The following CHST13 variants were observed in gnomAD, a reference collection of about 807,000 sequenced individuals.
CHST13 encodes carbohydrate sulfotransferase 13, also known as C4ST-3.
A neutral mutation model predicts 7.0 loss-of-function variants in CHST13; 1 was observed. That is an observed-to-expected ratio of 0.14 (90% confidence interval 0.05 to 0.68). The LOEUF is 0.68. CHST13 is among the 30% of genes least tolerant of loss of function. CHST13 has a pLI of 0.82. For missense variants in CHST13, 572 were observed against 507.9 expected (o/e 1.13, Z -1.21); for synonymous variants, 257 against 240.9 (o/e 1.07, Z -0.62).
At chr3:126,530,180 GGGCAGGGTGGCA>G (rs1430583240) in intron 1 of CHST13, among the ~76,000 whole-genome samples, 1 of 152,244 alleles carries the variant, frequency 6.6e-6, no homozygotes, top group African/African-American at 2.4e-5. Flanking sequence ...AGGCTCCTCG[GGGCAGGGTGGCA>G]GGCAGGGTGG....
At chr3:126,528,741 A>G (rs1428117177) in intron 1 of CHST13, among the ~76,000 whole-genome samples, 2 of 152,174 alleles carry the variant, frequency 1.3e-5, no homozygotes, top group Non-Finnish European at 2.9e-5. Flanking sequence ...TGTGGAGTTC[A>G]GCAAATGGAG....
Position 126,542,375 on chromosome 3 carries a change from G to A in CHST13, c.823G>A (p.Ala275Thr). 1 of 1,559,808 alleles carries A rather than the reference G, an allele frequency of 6.4e-7. No homozygotes were observed. Among genetic ancestry groups the A allele is most frequent in the Non-Finnish European group, 8.7e-7 (1 of 1,154,498 alleles). The change falls in exon 3 of 3, where the codon GCC becomes ACC. Residue 275 changes from alanine (A) to threonine (T), a missense_variant. Transcript: ENST00000319340. ...GKFETLAEDA[A>T]FVLGLAGASD... Reference sequence around the variant, plus strand: ...GTTCGAGACGCTGGCGGAGGACGCGGCCTTCGTGCTGGGCCTGGCGGGCGC... The same window carrying A: ...GTTCGAGACGCTGGCGGAGGACGCGACCTTCGTGCTGGGCCTGGCGGGCGC...
intron 1 of CHST13, among the ~76,000 whole-genome samples, chr3:126,530,924 C>G (rs931531164): frequency 6.6e-6 from 1 of 152,222 alleles, no homozygotes; most frequent in South Asian, 2.1e-4. Context: ...GTGGCCTGGG[C>G]GCAGAGGGGG....
rs1312154307 is a variant in CHST13, at chr3:126,542,963, AGTGTGGC to A, written c.*386_*392del. The stretch of plus-strand genomic sequence containing the variant: ...AGAACATAATGCTGACACCGGTGTC[AGTGTGGC>A]CCGAGCCTGTGTCCTCCCCACCTCG... On this transcript the variant is annotated 3_prime_UTR_variant, in exon 3 of 3. Transcript: ENST00000319340. 1 of 158,484 alleles carries A rather than the reference AGTGTGGC, an allele frequency of 6.3e-6. No homozygotes were observed. 9.8% of individuals were successfully genotyped at this position (158,484 alleles called of 1,614,324 possible).
At chr3:126,526,408 G>GTGAGGGCTTCTGGCCTGGGGA (rs1246780232) in intron 1 of CHST13, among the ~76,000 whole-genome samples, 2 of 152,238 alleles carry the variant, frequency 1.3e-5, no homozygotes, top group Non-Finnish European at 2.9e-5. Flanking sequence ...TCTGTGCCCT[G>GTGAGGGCTTCTGGCCTGGGGA]TGAGGGCTTC....
chr3:126,529,335 G>A (rs1431744105), intron 1 of CHST13: 2 of 1,289,364 alleles, frequency 1.6e-6, no homozygotes, highest in Non-Finnish European at 2.0e-6. Flanking sequence ...CCCTGGGCTG[G>A]TATTTCCTCA....
chr3:126,535,700 A>G (rs1028936014), intron 1 of CHST13, among the ~76,000 whole-genome samples: 1 of 152,268 alleles, frequency 6.6e-6, no homozygotes, highest in South Asian at 2.1e-4. Flanking sequence ...ATCTGGAGAT[A>G]GCTAAACCTG....
intron 1 of CHST13, among the ~76,000 whole-genome samples, chr3:126,528,512 G>A (rs1936580917): frequency 6.6e-6 from 1 of 152,182 alleles, no homozygotes; most frequent in African/African-American, 2.4e-5. Context: ...GAAGCCCTGT[G>A]GGTTTAGAGA....
chr3:126,534,293 G>C (rs1038492439), intron 1 of CHST13, among the ~76,000 whole-genome samples: 1 of 152,202 alleles, frequency 6.6e-6, no homozygotes, highest in East Asian at 1.9e-4. Context: ...TGCATAAAAA[G>C]ATATTCCTTA....
chr3:126,525,268 G>C (rs1326290588), intron 1 of CHST13, among the ~76,000 whole-genome samples: 1 of 152,156 alleles, frequency 6.6e-6, no homozygotes, highest in Admixed American at 6.5e-5. Context: ...TGTGGGCTCT[G>C]AGAATCCTGG....
chr3:126,535,278 T>C (rs1160408508), intron 1 of CHST13, among the ~76,000 whole-genome samples: 1 of 146,524 alleles, frequency 6.8e-6, no homozygotes, highest in African/African-American at 2.6e-5. Flanking sequence ...ATCACTGTCC[T>C]CAGCTGGAGA....
At chr3:126,533,086 C>T (rs984124292) in intron 1 of CHST13, among the ~76,000 whole-genome samples, 4 of 152,148 alleles carry the variant, frequency 2.6e-5, no homozygotes, top group African/African-American at 7.2e-5. Context: ...AATCTTGCAT[C>T]GTGCAACCTT....
rs763223860 is a variant in CHST13 at position 126,536,279 on chromosome 3, A to G, written c.106A>G (p.Asn36Asp). 1.9e-6 allele frequency: 3 copies of G among 1,613,866 alleles called. No homozygotes were observed. The South Asian group carries it at 3.3e-5, about 18-fold the overall frequency. Reference protein sequence around the residue: ...APRSLRPAFGNRALGSSWLGG... With the variant: ...APRSLRPAFGDRALGSSWLGG... The stretch of plus-strand genomic sequence containing the variant: ...TCTCCTTATGCCCACAGCATTTGGA[A>G]ACAGAGCCCTGGGCTCCAGCTGGCT... Residue 36 changes from asparagine to aspartate, a missense_variant, in exon 2 of 3, where the codon AAC (asparagine) becomes GAC (aspartate). By Grantham distance (23) the Asn-to-Asp change is conservative. Transcript: ENST00000319340.
chr3:126,530,422 G>A (rs744233), intron 1 of CHST13, among the ~76,000 whole-genome samples: 49,790 of 152,180 alleles, frequency 0.33, 8,325 homozygotes, highest in African/African-American at 0.38. Flanking sequence ...GCCCTGGGGC[G>A]GAGACAGGCC....
intron 1 of CHST13, among the ~76,000 whole-genome samples, chr3:126,531,696 T>G (rs1026765885): frequency 6.6e-6 from 1 of 152,236 alleles, no homozygotes; most frequent in Admixed American, 6.5e-5. Context: ...TACCACATTT[T>G]TATTATCCAT....
Position 126,542,507 on chromosome 3 carries a change from C to A in CHST13, c.955C>A (p.Leu319Ile). ...CATCAGCCCCTTCTACCAGCGGCGC[C>A]TCTTCGACCTCTACAAGATGGACTT... ...RDISPFYQRR[L>I]FDLYKMDFLL... is the part of the protein sequence containing the mutation. Residue 319 changes from leucine to isoleucine, a missense_variant, in exon 3 of 3, where the codon CTC becomes ATC. Physicochemically the swap from Leu to Ile is conservative, Grantham distance 5 (BLOSUM62 2). Coordinates refer to ENST00000319340, the MANE Select transcript of CHST13 (RefSeq NM_152889.3). 6.4e-7 allele frequency: 1 copy of A among 1,568,660 alleles called. No homozygotes were observed. Among genetic ancestry groups the A allele is most frequent in the Non-Finnish European group, 8.6e-7 (1 of 1,163,640 alleles).
At chr3:126,536,000 C>T (rs753499676) in intron 1 of CHST13, among the ~76,000 whole-genome samples, 11 of 152,186 alleles carry the variant, frequency 7.2e-5, no homozygotes, top group Admixed American at 3.9e-4. Flanking sequence ...GTATCACCTT[C>T]CCACTTGTCC....
At position 126,524,216 on chromosome 3, in the gene CHST13, T is replaced by TGCGCC. The variant is rs1464844444; in HGVS notation, c.-107_-103dup. On this transcript the variant is annotated 5_prime_UTR_variant, in exon 1 of 3. Coordinates refer to ENST00000319340, the MANE Select transcript of CHST13 (RefSeq NM_152889.3). ...GTCCAGCTGCCGTGCTCCCCTGCCC[T>TGCGCC]GCGCCGCGCCGCGCGTCTTGGTAGG... 3.9e-5 allele frequency: 32 copies of TGCGCC among 812,850 alleles called. No homozygotes were observed. The highest frequency in any genetic ancestry group is 4.8e-5 in the Non-Finnish European group (30 of 618,624). The allele number at this position is 812,850 out of a possible 1,614,324, so 50.4% of individuals were successfully genotyped here.
At chr3:126,526,781 C>T (rs1936544506) in intron 1 of CHST13, among the ~76,000 whole-genome samples, 1 of 152,206 alleles carries the variant, frequency 6.6e-6, no homozygotes, top group Admixed American at 6.5e-5. Context: ...GCACTGCTGC[C>T]CTCATCACCC....
Sources: gnomAD v4.1 joint callset for allele counts (sites outside exome capture counted in the v4.1 genomes callset) on GRCh38, gnomAD v4.1.1 for gene constraint, MANE v1.5 for transcripts, NCBI Gene and HGNC (gene_info 2026-07-23, HGNC 2026-07-21) for gene names.